The following ITFG1 variants were observed in gnomAD, a reference collection of about 807,000 sequenced individuals.
The protein encoded by ITFG1 is integrin alpha FG-GAP repeat containing 1.
Under a neutral mutation model 81.8 loss-of-function variants are expected in ITFG1, and 34 were observed. The ratio of observed to expected loss-of-function variants is 0.42; its 90% CI spans 0.32 to 0.55. The LOEUF is 0.55. Ranked by LOEUF, ITFG1 falls within the 20% of genes least tolerant of loss-of-function variation. The probability of loss-of-function intolerance (pLI) is 0.17; values close to 1 mark genes in which losing one functional copy is unlikely to be tolerated. For missense variants in ITFG1, 672 were observed against 755.4 expected (o/e 0.89, Z 1.29); for synonymous variants, 285 against 270.6 (o/e 1.05, Z -0.52).
At chr16:47,427,825 A>G (rs1368795039) in intron 6 of ITFG1, among the ~76,000 whole-genome samples, 3 of 152,260 alleles carry the variant, frequency 2.0e-5, no homozygotes, top group Non-Finnish European at 4.4e-5. Flanking sequence ...ATGACTAGAT[A>G]TTCAATGACA....
chr16:47,246,957 T>C (rs1403786399), intron 12 of ITFG1, among the ~76,000 whole-genome samples: 1 of 152,036 alleles, frequency 6.6e-6, no homozygotes, highest in Non-Finnish European at 1.5e-5. Flanking sequence ...ACCACACCTG[T>C]ATTTTTAGTA....
chr16:47,461,083 C>T (rs1969536669), upstream of ITFG1: 9 of 1,481,186 alleles, frequency 6.1e-6, no homozygotes, highest in East Asian at 2.2e-4. Flanking sequence ...CCCAACGCCG[C>T]GCTTGACGAC....
At chr16:47,413,791 G>T (rs1007717682) in intron 6 of ITFG1, among the ~76,000 whole-genome samples, 1 of 152,068 alleles carries the variant, frequency 6.6e-6, no homozygotes, top group African/African-American at 2.4e-5. Flanking sequence ...AAACCGTAAG[G>T]TGCAGGGACT....
intron 14 of ITFG1, among the ~76,000 whole-genome samples, chr16:47,216,249 G>C (rs1378343240): frequency 6.6e-6 from 1 of 151,846 alleles, no homozygotes; most frequent in East Asian, 1.9e-4. Flanking sequence ...CACCTAGCTG[G>C]AGTGCAATGC....
chr16:47,311,350 C>T lies in ITFG1; in HGVS notation c.960G>A (p.Val320=). 6.2e-7 allele frequency: 1 copy of T among 1,613,804 alleles called. No homozygotes were observed. Among genetic ancestry groups the T allele is most frequent in the Middle Eastern group, 1.7e-4 (1 of 6,058 alleles). ...KGTLWGFVPF[V]DEQQPTEIPI... ...GTATTTCAGTTGGTTGCTGTTCATCCACAAATGGCACAAAGCCCCAGAGTG... is the reference window on the plus strand; with the variant it reads ...GTATTTCAGTTGGTTGCTGTTCATCTACAAATGGCACAAAGCCCCAGAGTG... Residue 320 remains valine (V), a synonymous_variant, in exon 10 of 18, where the codon GTG becomes GTA. Transcript: ENST00000320640.
At chr16:47,241,738 G>A (rs1364073236) in intron 12 of ITFG1, among the ~76,000 whole-genome samples, 1 of 152,056 alleles carries the variant, frequency 6.6e-6, no homozygotes, top group African/African-American at 2.4e-5. Context: ...GGCGGATCAC[G>A]AGGTCAGGAA....
chr16:47,443,789 C>T lies in ITFG1; in HGVS notation c.560+7607G>A, dbSNP rs888912721. On this transcript the variant is annotated intron_variant, in intron 5 of 17. Transcript: ENST00000320640. ...GGGAGCGATAGCATTAGGAGATATA[C>T]CTAATCTAAATGACGAGTTAATGGG... 6.6e-5 allele frequency among the ~76,000 whole-genome samples: 10 copies of T among 152,206 alleles called. No individual in the cohort carries two copies. In the East Asian group the frequency reaches 1.7e-3, roughly 26 times the overall value.
At chr16:47,183,439 G>T (rs969000902) in intron 14 of ITFG1, among the ~76,000 whole-genome samples, 3 of 152,164 alleles carry the variant, frequency 2.0e-5, no homozygotes, top group Non-Finnish European at 4.4e-5. Context: ...ATCTGAGAAC[G>T]GGCAGACTGC....
intron 8 of ITFG1, among the ~76,000 whole-genome samples, chr16:47,362,904 T>C (rs1009032206): frequency 6.6e-6 from 1 of 152,092 alleles, no homozygotes; most frequent in African/African-American, 2.4e-5. Context: ...TATTTATTTA[T>C]TTATTTTTTG....
At chr16:47,226,068 A>G (rs1008070406) in intron 13 of ITFG1, among the ~76,000 whole-genome samples, 1 of 152,226 alleles carries the variant, frequency 6.6e-6, no homozygotes, top group East Asian at 1.9e-4. Context: ...TAATAGTACA[A>G]ATTGAGGAGG....
chr16:47,421,563 A>C (rs1045273236), intron 6 of ITFG1, among the ~76,000 whole-genome samples: 2 of 152,160 alleles, frequency 1.3e-5, no homozygotes, highest in African/African-American at 4.8e-5. Flanking sequence ...TTGGCCTCCC[A>C]AAGTGCTGGG....
intron 6 of ITFG1, among the ~76,000 whole-genome samples, chr16:47,388,400 A>C (rs1313594339): frequency 6.6e-6 from 1 of 152,202 alleles, no homozygotes; most frequent in Non-Finnish European, 1.5e-5. Flanking sequence ...AGATAGATAA[A>C]TCATAGCAAA....
intron 5 of ITFG1, among the ~76,000 whole-genome samples, chr16:47,447,862 G>A (rs1472181150): frequency 6.6e-6 from 1 of 152,054 alleles, no homozygotes. Flanking sequence ...GTTCCTTTAG[G>A]AAAAGAGAAA....
rs1386197352 is a variant in ITFG1 at position 47,225,894 on chromosome 16, CG to C, written c.1375-6949del. On this transcript the variant is annotated intron_variant, in intron 13 of 17. Transcript: ENST00000320640. ...GGTAACTCTAAGTATTCTGCGAAGA[CG>C]AAGTTGGAAAAAAAAAAGGAACTGT... Among the ~76,000 whole-genome samples, 18 of 150,890 alleles carry C rather than the reference CG, an allele frequency of 1.2e-4. No homozygotes were observed. The East Asian group carries it at 3.5e-3, about 29-fold the overall frequency.
chr16:47,442,212 G>T (rs921639211), intron 5 of ITFG1, among the ~76,000 whole-genome samples: 1 of 152,068 alleles, frequency 6.6e-6, no homozygotes, highest in African/African-American at 2.4e-5. Context: ...CATTCCATGC[G>T]CATGGGTAGG....
intron 14 of ITFG1, among the ~76,000 whole-genome samples, chr16:47,194,705 T>C (rs1477865736): frequency 1.3e-5 from 2 of 151,626 alleles, no homozygotes; most frequent in South Asian, 2.1e-4. Flanking sequence ...TTCTACTTAA[T>C]ATATATATAT....
At chr16:47,348,211 G>C (rs867646959) in intron 8 of ITFG1, among the ~76,000 whole-genome samples, 4 of 152,208 alleles carry the variant, frequency 2.6e-5, no homozygotes, top group Non-Finnish European at 4.4e-5. Flanking sequence ...GCTGGACGGA[G>C]AATAACTTTG....
intron 6 of ITFG1, among the ~76,000 whole-genome samples, chr16:47,403,798 A>ACACACACC (rs1380750612): frequency 1.3e-5 from 2 of 151,460 alleles, no homozygotes; most frequent in Non-Finnish European, 2.9e-5. Flanking sequence ...ACACACACAC[A>ACACACACC]CACACACACA....
chr16:47,247,180 T>C (rs948747780), intron 12 of ITFG1, among the ~76,000 whole-genome samples: 1 of 152,186 alleles, frequency 6.6e-6, no homozygotes, highest in Non-Finnish European at 1.5e-5. Flanking sequence ...CTGAAAAACA[T>C]TAGGTTTCTT....
Sources: gnomAD v4.1 joint callset for allele counts (sites outside exome capture counted in the v4.1 genomes callset) on GRCh38, gnomAD v4.1.1 for gene constraint, MANE v1.5 for transcripts, NCBI Gene and HGNC (gene_info 2026-07-23, HGNC 2026-07-21) for gene names.